Variants in CTNNA1 observed in about 807,000 individuals in gnomAD.
CTNNA1 encodes the protein catenin alpha-1.
In CTNNA1, 37 loss-of-function variants were observed where a neutral mutation model predicts 98.4. The ratio of observed to expected loss-of-function variants is 0.38; its 90% CI spans 0.29 to 0.49. The LOEUF (loss-of-function observed/expected upper bound fraction) is 0.49. Among genes scored for constraint, CTNNA1 ranks in the 20% least tolerant of loss-of-function variants. CTNNA1 has a pLI of 0.95. For synonymous variants in CTNNA1, 404 were observed against 413.2 expected, an observed-to-expected ratio of 0.98 and a Z score of 0.27; for missense variants, 761 against 1,147.2, an observed-to-expected ratio of 0.66 and a Z score of 4.86.
chr5:138,758,374 T>C (rs1751932878), intron 1 of CTNNA1, among the ~76,000 whole-genome samples: 2 of 151,414 alleles, frequency 1.3e-5, no homozygotes, highest in South Asian at 4.2e-4. Flanking sequence ...GCTAACTTTT[T>C]TTGTTTGTTT....
chr5:138,907,824 G>T (rs1759610119), intron 10 of CTNNA1, among the ~76,000 whole-genome samples: 1 of 152,148 alleles, frequency 6.6e-6, no homozygotes, highest in African/African-American at 2.4e-5. Flanking sequence ...GTATTTTAGT[G>T]TTTTATGCCT....
chr5:138,926,956 T>C (rs1764199039), intron 13 of CTNNA1, among the ~76,000 whole-genome samples: 1 of 152,230 alleles, frequency 6.6e-6, no homozygotes, highest in Admixed American at 6.5e-5. Flanking sequence ...TGACTCCGTC[T>C]TCCCTTGCTC....
chr5:138,932,984 G>T (rs755573411), intron 17 of CTNNA1: 2 of 765,922 alleles, frequency 2.6e-6, no homozygotes, highest in Non-Finnish European at 2.4e-6. Flanking sequence ...AATCTTCCTT[G>T]GGACCGGGCG....
In CTNNA1 at chr5:138,925,831, TGGG is replaced by T. The variant is rs890800088; in HGVS notation, c.1899+428_1899+430del. On this transcript the variant is annotated intron_variant, in intron 13 of 17. Transcript: ENST00000302763. ...ACGGGATGATGGAACCCCAGGGTGT[TGGG>T]GGGAGGAGCGGCCCCAGGTGATGCT... Among the ~76,000 whole-genome samples the T allele has an allele frequency of 2.6e-5, 4 of 152,240 alleles. No individual in the cohort carries two copies. In the South Asian group the frequency reaches 8.3e-4, roughly 32 times the overall value.
intron 10 of CTNNA1, among the ~76,000 whole-genome samples, chr5:138,909,725 A>G (rs1014078659): frequency 4.6e-5 from 7 of 152,088 alleles, no homozygotes; most frequent in African/African-American, 1.7e-4. Flanking sequence ...CCCTAGATTT[A>G]TCTTCCATAT....
At chr5:138,768,828 C>A (rs1286882829) in intron 1 of CTNNA1, among the ~76,000 whole-genome samples, 1 of 152,022 alleles carries the variant, frequency 6.6e-6, no homozygotes, top group East Asian at 1.9e-4. Flanking sequence ...TAAGTAGCAT[C>A]TTCCAGATTT....
intron 3 of CTNNA1, among the ~76,000 whole-genome samples, chr5:138,791,197 G>C (rs1243958125): frequency 6.6e-6 from 1 of 152,038 alleles, no homozygotes; most frequent in Non-Finnish European, 1.5e-5. Flanking sequence ...TTGGCTTTCA[G>C]GTCATTCCAT....
intron 7 of CTNNA1, among the ~76,000 whole-genome samples, chr5:138,867,472 TA>T (rs1764895538): frequency 1.3e-5 from 2 of 152,152 alleles, no homozygotes; most frequent in African/African-American, 4.8e-5. Flanking sequence ...TGAGGATGTT[TA>T]TCTGTAGCAA....
chr5:138,843,352 A>G (rs534490546), intron 7 of CTNNA1, among the ~76,000 whole-genome samples: 182 of 152,256 alleles, frequency 1.2e-3, no homozygotes, highest in African/African-American at 4.1e-3. Context: ...TGTCATCACC[A>G]TGATGGTTAG....
intron 3 of CTNNA1, among the ~76,000 whole-genome samples, chr5:138,795,925 T>C (rs1756921740): frequency 6.6e-6 from 1 of 152,230 alleles, no homozygotes; most frequent in Non-Finnish European, 1.5e-5. Flanking sequence ...ATTTTTGTCC[T>C]AAATGCTTTC....
chr5:138,904,387 A>C lies in CTNNA1; in HGVS notation c.1335A>C (p.Glu445Asp), dbSNP rs1758715728. ...NLACSISNNEEGVKLVRMSAS... is the reference protein window; with the variant it reads ...NLACSISNNEDGVKLVRMSAS... ...CCTGTTCCATCTCAAATAATGAAGA[A>C]GGTGTAAAGCTTGTTCGAATGTCTG... Residue 445 changes from glutamate to aspartate, a missense_variant, in exon 10 of 18, where the codon GAA becomes GAC. This residue lies in a region of CTNNA1 where 287 missense variants were observed against 436.0 expected (regional missense o/e 0.66). Transcript: ENST00000302763. 4 of 1,614,128 alleles carry C rather than the reference A, an allele frequency of 2.5e-6. No homozygotes were observed. Among genetic ancestry groups the C allele is most frequent in the Non-Finnish European group, 3.4e-6 (4 of 1,179,980 alleles).
At chr5:138,865,536 G>A (rs1482403738) in intron 7 of CTNNA1, among the ~76,000 whole-genome samples, 2 of 152,148 alleles carry the variant, frequency 1.3e-5, no homozygotes, top group South Asian at 2.1e-4. Context: ...TGCTTTATCC[G>A]ATGAAAGCTG....
intron 7 of CTNNA1, among the ~76,000 whole-genome samples, chr5:138,837,614 C>T (rs1264887507): frequency 6.8e-6 from 1 of 147,760 alleles, no homozygotes; most frequent in Admixed American, 6.8e-5. Context: ...CCTCTCTCCT[C>T]TTTTTGGTTT....
chr5:138,763,715 AG>A (rs1345038918), intron 1 of CTNNA1, among the ~76,000 whole-genome samples: 1 of 152,252 alleles, frequency 6.6e-6, no homozygotes. Context: ...AGAGGCTAAA[AG>A]GGAGAAGCAT....
intron 1 of CTNNA1, among the ~76,000 whole-genome samples, chr5:138,755,410 C>T (rs1751522473): frequency 6.6e-6 from 1 of 152,064 alleles, no homozygotes; most frequent in Non-Finnish European, 1.5e-5. Flanking sequence ...TGTGATATCA[C>T]TCTCCTGGTT....
chr5:138,886,760 T>G (rs1754126631), intron 8 of CTNNA1, among the ~76,000 whole-genome samples: 1 of 152,154 alleles, frequency 6.6e-6, no homozygotes, highest in Non-Finnish European at 1.5e-5. Context: ...ATTTTCTGAG[T>G]TAGTAAATAC....
intron 3 of CTNNA1, among the ~76,000 whole-genome samples, chr5:138,797,000 C>T (rs1429652144): frequency 6.6e-6 from 1 of 152,132 alleles, no homozygotes; most frequent in African/African-American, 2.4e-5. Context: ...CTACAGATAC[C>T]CATTTATTTT....
chr5:138,830,312 A>C (rs540921827), intron 7 of CTNNA1, among the ~76,000 whole-genome samples: 1 of 152,386 alleles, frequency 6.6e-6, no homozygotes, highest in East Asian at 1.9e-4. Context: ...CAGTGAGCCA[A>C]GATCGCACCA....
chr5:138,811,169 T>A, intron 4 of CTNNA1, among the ~76,000 whole-genome samples: 1 of 145,286 alleles, frequency 6.9e-6, no homozygotes, highest in East Asian at 2.2e-4. Flanking sequence ...ATGGGGCGGT[T>A]GCCAGGCGGA....
Sources: allele counts gnomAD v4.1 joint callset (sites outside exome capture counted in the v4.1 genomes callset), GRCh38; gene constraint gnomAD v4.1.1; regional missense constraint gnomAD v4.1.1; transcripts MANE v1.5; gene names NCBI Gene and HGNC (gene_info 2026-07-23, HGNC 2026-07-21).